REDIC1: variants seen among roughly 807,000 people sequenced by gnomAD.
REDIC1 encodes the protein HEI10 Interacting Protein 1.
the REDIC1 span, chr12:39,829,964 C>A: frequency 9.6e-7 from 1 of 1,040,912 alleles, no homozygotes. Flanking sequence ...TCCACTATCA[C>A]CAGTATATGC....
At chr12:39,868,354 A>G in the REDIC1 span, among the ~76,000 whole-genome samples, 1 of 152,210 alleles carries the variant, frequency 6.6e-6, no homozygotes, top group African/African-American at 2.4e-5. Context: ...CTATTGTAAT[A>G]ATCAGTACCA....
the REDIC1 span, among the ~76,000 whole-genome samples, chr12:39,830,755 T>C: frequency 6.6e-6 from 1 of 152,172 alleles, no homozygotes; most frequent in Non-Finnish European, 1.5e-5. Context: ...ATAAAAATAC[T>C]ACTACTCAAA....
chr12:39,707,980 G>C, the REDIC1 span, among the ~76,000 whole-genome samples: 2 of 151,898 alleles, frequency 1.3e-5, no homozygotes, highest in South Asian at 2.1e-4. Flanking sequence ...ATGGAAATAA[G>C]AGGGTAGAAG....
the REDIC1 span, among the ~76,000 whole-genome samples, chr12:39,873,589 TAAG>T: frequency 6.6e-6 from 1 of 152,300 alleles, no homozygotes; most frequent in African/African-American, 2.4e-5. Context: ...CACAATAATT[TAAG>T]AATAAGAATA....
At chr12:39,838,998 A>G in the REDIC1 span, among the ~76,000 whole-genome samples, 9 of 152,056 alleles carry the variant, frequency 5.9e-5, no homozygotes, top group African/African-American at 1.7e-4. Context: ...CACAGGTCCA[A>G]TTTCATTTTC....
At chr12:39,841,804 G>C in the REDIC1 span, among the ~76,000 whole-genome samples, 15 of 152,032 alleles carry the variant, frequency 9.9e-5, no homozygotes, top group African/African-American at 3.4e-4. Flanking sequence ...AGACAGAATA[G>C]AAAAATTAGA....
At chr12:39,788,282 C>A in the REDIC1 span, among the ~76,000 whole-genome samples, 26 of 152,154 alleles carry the variant, frequency 1.7e-4, no homozygotes, top group Admixed American at 7.2e-4. Flanking sequence ...AAATAAAAAA[C>A]AATTATAACA....
At chr12:39,634,576 C>G in the REDIC1 span, among the ~76,000 whole-genome samples, 1 of 152,126 alleles carries the variant, frequency 6.6e-6, no homozygotes, top group Non-Finnish European at 1.5e-5. Context: ...GGAAAACTGG[C>G]TAGCCATATG....
At chr12:39,648,322 A>G in the REDIC1 span, among the ~76,000 whole-genome samples, 1 of 152,008 alleles carries the variant, frequency 6.6e-6, no homozygotes, top group African/African-American at 2.4e-5. Flanking sequence ...ATGACCCAAT[A>G]TGCATGATAT....
At chr12:39,833,818 T>C in the REDIC1 span, among the ~76,000 whole-genome samples, 1 of 150,978 alleles carries the variant, frequency 6.6e-6, no homozygotes, top group Non-Finnish European at 1.5e-5. Context: ...GCTCAGAACA[T>C]GCTGCTCCAT....
the REDIC1 span, among the ~76,000 whole-genome samples, chr12:39,895,514 T>TA: frequency 7.1e-5 from 4 of 56,664 alleles, no homozygotes; most frequent in African/African-American, 3.1e-4. Flanking sequence ...AAAAAAAAAA[T>TA]TATATATATA....
At chr12:39,709,709 G>A in the REDIC1 span, among the ~76,000 whole-genome samples, 1 of 151,570 alleles carries the variant, frequency 6.6e-6, no homozygotes, top group African/African-American at 2.4e-5. Context: ...TCAATTGTAC[G>A]TGTATGCCAT....
At chr12:39,878,546 G>C in the REDIC1 span, among the ~76,000 whole-genome samples, 5 of 152,328 alleles carry the variant, frequency 3.3e-5, no homozygotes, top group African/African-American at 1.2e-4. Flanking sequence ...GCTTGAGCTT[G>C]AGATTGATTA....
the REDIC1 span, among the ~76,000 whole-genome samples, chr12:39,678,048 C>T: frequency 6.6e-6 from 1 of 152,014 alleles, no homozygotes; most frequent in African/African-American, 2.4e-5. Flanking sequence ...GAAACAAGAA[C>T]AAACCAAGCC....
chr12:39,768,591 C>G, the REDIC1 span, among the ~76,000 whole-genome samples: 1 of 151,948 alleles, frequency 6.6e-6, no homozygotes, highest in Non-Finnish European at 1.5e-5. Flanking sequence ...TAGAGAGGCT[C>G]CAGGAGAGGG....
chr12:39,697,074 A>G, the REDIC1 span, among the ~76,000 whole-genome samples: 1 of 152,170 alleles, frequency 6.6e-6, no homozygotes, highest in Non-Finnish European at 1.5e-5. Flanking sequence ...CATTTAATAA[A>G]CTCCTAAAGA....
At chr12:39,716,680 T>C in the REDIC1 span, 1 of 1,051,646 alleles carries the variant, frequency 9.5e-7, no homozygotes. Flanking sequence ...TACCAGCAGA[T>C]ATCTTCTGCC....
chr12:39,769,642 T>G, the REDIC1 span, among the ~76,000 whole-genome samples: 1 of 152,036 alleles, frequency 6.6e-6, no homozygotes, highest in South Asian at 2.1e-4. Flanking sequence ...TTCTCCTGCC[T>G]CCTCTGGGGT....
At chr12:39,863,643 TCTA>T in the REDIC1 span, among the ~76,000 whole-genome samples, 1 of 152,178 alleles carries the variant, frequency 6.6e-6, no homozygotes, top group African/African-American at 2.4e-5. Flanking sequence ...ATGGTTAACT[TCTA>T]CTATGAAGAC....
Sources: allele counts gnomAD v4.1 joint callset (sites outside exome capture counted in the v4.1 genomes callset), GRCh38; gene constraint gnomAD v4.1.1; transcripts MANE v1.5; gene names NCBI Gene and HGNC (gene_info 2026-07-23, HGNC 2026-07-21).